Variants in DAB1 observed in about 807,000 individuals in gnomAD.
DAB1 encodes the protein DAB adaptor protein 1, also known as disabled homolog 1.
Under a neutral mutation model 64.6 loss-of-function variants are expected in DAB1, and 15 were observed. The observed-to-expected ratio is 0.23, with a 90% CI of 0.16 to 0.36. The LOEUF is 0.36. Ranked by LOEUF, DAB1 falls within the 10% of genes least tolerant of loss-of-function variation. The pLI, the probability that DAB1 is intolerant of heterozygous loss-of-function variation, is 1.00. For synonymous variants in DAB1, 235 were observed against 251.9 expected (o/e 0.93, Z 0.64); for missense variants, 596 against 706.7 (o/e 0.84, Z 1.78).
At position 58,067,796 on chromosome 1, in the gene DAB1, C is replaced by T. The variant is rs76549832; in HGVS notation, n.387+82715G>A. Among the ~76,000 whole-genome samples the T allele has an allele frequency of 6.8e-4, 103 of 152,308 alleles. 1 individual carries two copies. Among genetic ancestry groups the T allele is most frequent in the African/African-American group, 2.5e-3 (102 of 41,566 alleles). ...ATAGGCCTCAACCAGTTCATCTGTA[C>T]AATGAGTGGGGGGTAATGAGTGTTC... On this transcript the variant is annotated intron_variant and non_coding_transcript_variant, in intron 5 of 20. Coordinates refer to the DAB1 transcript ENST00000485760.
intron 3 of DAB1, among the ~76,000 whole-genome samples, chr1:58,448,739 G>T (rs903867522): frequency 2.6e-5 from 4 of 152,184 alleles, no homozygotes; most frequent in Admixed American, 6.5e-5. Context: ...GAAATAAGGG[G>T]AAAATCCCAG....
intron 1 of DAB1, chr1:58,534,327 A>G (rs2100482681): frequency 1.2e-6 from 1 of 844,120 alleles, no homozygotes; most frequent in Non-Finnish European, 2.0e-6. Context: ...AAATTCTTCC[A>G]TCCACTGAAA....
chr1:57,296,108 A>G (rs1570196759), intron 1 of DAB1, among the ~76,000 whole-genome samples: 1 of 152,070 alleles, frequency 6.6e-6, no homozygotes, highest in Non-Finnish European at 1.5e-5. Context: ...TTCTGAAACT[A>G]TTTTCGATGT....
chr1:57,648,939 T>C (rs1367721749), intron 7 of DAB1, among the ~76,000 whole-genome samples: 1 of 152,226 alleles, frequency 6.6e-6, no homozygotes, highest in Non-Finnish European at 1.5e-5. Context: ...TTATCCCCAG[T>C]AAACAAGAAA....
intron 5 of DAB1, among the ~76,000 whole-genome samples, chr1:57,903,444 A>G (rs1023940249): frequency 2.0e-5 from 3 of 151,930 alleles, no homozygotes; most frequent in African/African-American, 7.3e-5. Flanking sequence ...TGCTGTCCTT[A>G]TTCTTTTGGT....
intron 4 of DAB1, among the ~76,000 whole-genome samples, chr1:57,108,035 C>T (rs557322071): frequency 3.3e-5 from 5 of 152,160 alleles, no homozygotes; most frequent in Admixed American, 1.3e-4. Flanking sequence ...TCCCTGAGGC[C>T]CTGCTATTCA....
At chr1:57,387,651 A>G (rs1198979757) in intron 1 of DAB1, among the ~76,000 whole-genome samples, 1 of 151,904 alleles carries the variant, frequency 6.6e-6, no homozygotes, top group Non-Finnish European at 1.5e-5. Context: ...GTGAAGCCCC[A>G]TCTCTACTAA....
At position 58,375,497 on chromosome 1, in the gene DAB1, A is replaced by G. The variant is rs1644315030; in HGVS notation, n.258-32094T>C. On this transcript the variant is annotated intron_variant and non_coding_transcript_variant, in intron 3 of 20. Transcript: ENST00000485760. ...CTGGATTACATTTATTGATTTGCGT[A>G]TATTGAACCAGCCTTGCATCCCAGG... Among the ~76,000 whole-genome samples, 5 of 143,540 alleles carry G rather than the reference A, an allele frequency of 3.5e-5. No individual in the cohort carries two copies. In the South Asian group the frequency reaches 1.1e-3, roughly 32 times the overall value. The allele number at this position is 143,540 out of a possible 152,430, so 94.2% of individuals were successfully genotyped here.
chr1:57,866,243 T>C (rs1654296169), intron 1 of DAB1: 1 of 152,276 alleles, frequency 6.6e-6, no homozygotes, highest in Admixed American at 6.6e-5. Flanking sequence ...CCACAATTAC[T>C]TTTGCACCAA....
chr1:57,100,104 C>G (rs1179268367), intron 4 of DAB1, among the ~76,000 whole-genome samples: 4 of 152,214 alleles, frequency 2.6e-5, no homozygotes, highest in Non-Finnish European at 5.9e-5. Flanking sequence ...CAAATCCTAG[C>G]TCCATCACCA....
intron 1 of DAB1, among the ~76,000 whole-genome samples, chr1:57,850,495 T>C (rs1214114619): frequency 2.0e-5 from 3 of 151,918 alleles, no homozygotes; most frequent in Admixed American, 6.6e-5. Flanking sequence ...CCATTTATTA[T>C]ATAACTTGAT....
chr1:57,595,534 A>G (rs1432780873), intron 7 of DAB1, among the ~76,000 whole-genome samples: 4 of 152,120 alleles, frequency 2.6e-5, no homozygotes, highest in South Asian at 2.1e-4. Context: ...GTCCAGGGTC[A>G]CACTTGAAAT....
intron 5 of DAB1, among the ~76,000 whole-genome samples, chr1:58,143,833 T>A (rs983261822): frequency 6.6e-6 from 1 of 152,186 alleles, no homozygotes; most frequent in Non-Finnish European, 1.5e-5. Flanking sequence ...CTCACCCAGA[T>A]CCTTTCTACT....
chr1:58,235,271 G>C (rs886482860), intron 4 of DAB1, among the ~76,000 whole-genome samples: 11 of 152,234 alleles, frequency 7.2e-5, no homozygotes, highest in African/African-American at 2.7e-4. Context: ...ATGGAAACTG[G>C]AATTTGAAGA....
At chr1:58,483,526 G>C (rs1645524799) in intron 3 of DAB1, among the ~76,000 whole-genome samples, 1 of 152,152 alleles carries the variant, frequency 6.6e-6, no homozygotes, top group Non-Finnish European at 1.5e-5. Flanking sequence ...TTCTTCAGTG[G>C]CAGTGGTCTT....
intron 6 of DAB1, among the ~76,000 whole-genome samples, chr1:57,683,767 G>T (rs973986044): frequency 1.3e-5 from 2 of 152,080 alleles, no homozygotes; most frequent in African/African-American, 2.4e-5. Context: ...ACCCAGCAGT[G>T]GTTGTCAATC....
At chr1:57,523,637 T>G (rs1644557027) in intron 7 of DAB1, among the ~76,000 whole-genome samples, 1 of 152,100 alleles carries the variant, frequency 6.6e-6, no homozygotes, top group African/African-American at 2.4e-5. Flanking sequence ...AAGGGAACAA[T>G]TAGGCCAGGT....
At chr1:57,198,988 G>T (rs11206995) in intron 2 of DAB1, among the ~76,000 whole-genome samples, 22,845 of 152,102 alleles carry the variant, frequency 0.15, 2,147 homozygotes, top group Admixed American at 0.27. Context: ...ATGCACCATG[G>T]GCACCCCCAG....
intron 7 of DAB1, among the ~76,000 whole-genome samples, chr1:57,456,067 A>G (rs1686579769): frequency 6.6e-6 from 1 of 152,202 alleles, no homozygotes; most frequent in Admixed American, 6.6e-5. Context: ...CTTTAAGAAC[A>G]TACAATCTAA....
Sources: allele counts gnomAD v4.1 joint callset (sites outside exome capture counted in the v4.1 genomes callset), GRCh38; gene constraint gnomAD v4.1.1; transcripts MANE v1.5; gene names NCBI Gene and HGNC (gene_info 2026-07-23, HGNC 2026-07-21).